Variants in QKI observed in about 807,000 individuals in gnomAD.
QKI encodes the protein QKI, KH domain containing RNA binding.
A neutral mutation model predicts 39.0 loss-of-function variants in QKI; 10 were observed. The ratio of observed to expected loss-of-function variants is 0.26; its 90% CI spans 0.16 to 0.43. The LOEUF (loss-of-function observed/expected upper bound fraction) is 0.43, where lower values mean the gene tolerates loss of function less well. Among genes scored for constraint, QKI ranks in the 20% least tolerant of loss-of-function variants. QKI has a pLI of 1.00. For missense variants in QKI, 218 were observed against 428.0 expected, an observed-to-expected ratio of 0.51 and a Z score of 4.33; for synonymous variants, 204 against 155.4, an observed-to-expected ratio of 1.31 and a Z score of -2.33.
intron 3 of QKI, among the ~76,000 whole-genome samples, chr6:163,491,098 T>C (rs1232781903): frequency 1.3e-5 from 2 of 152,142 alleles, no homozygotes; most frequent in Admixed American, 6.6e-5. Flanking sequence ...GATTGGTTTG[T>C]TTTTAAAGAG....
At chr6:163,424,322 C>T (rs1788240595) in intron 1 of QKI, among the ~76,000 whole-genome samples, 2 of 151,972 alleles carry the variant, frequency 1.3e-5, no homozygotes, top group African/African-American at 4.9e-5. Context: ...AGTTTTAACT[C>T]TGTATGTGTG....
chr6:163,563,798 T>C, intron 6 of QKI, 79 bp downstream of exon 6: 1 of 1,533,802 alleles, frequency 6.5e-7, no homozygotes, highest in South Asian at 1.3e-5. Flanking sequence ...AATGATTTTA[T>C]CAGTTTTAGA....
intron 3 of QKI, among the ~76,000 whole-genome samples, chr6:163,501,214 C>T (rs1392382838): frequency 6.6e-6 from 1 of 151,788 alleles, no homozygotes; most frequent in Non-Finnish European, 1.5e-5. Flanking sequence ...CCCCACCCAA[C>T]ACTGGCATGG....
chr6:163,559,865 G>A (rs1334402103), intron 4 of QKI, among the ~76,000 whole-genome samples: 1 of 152,154 alleles, frequency 6.6e-6, no homozygotes, highest in Admixed American at 6.5e-5. Context: ...ATGAATCAGA[G>A]AGGAACAAGA....
chr6:163,530,279 T>C (rs1273854373), intron 3 of QKI, among the ~76,000 whole-genome samples: 3 of 152,204 alleles, frequency 2.0e-5, no homozygotes, highest in Non-Finnish European at 4.4e-5. Context: ...CATATCATCA[T>C]CCCTCCTGTC....
At chr6:163,511,785 T>C (rs891626515) in intron 3 of QKI, among the ~76,000 whole-genome samples, 12 of 151,960 alleles carry the variant, frequency 7.9e-5, no homozygotes, top group Admixed American at 5.2e-4. Context: ...ATTGTGAATC[T>C]TATGTAAAGT....
At position 163,574,075 on chromosome 6, in the gene QKI, ATTC is replaced by A. The variant is rs1783845415; in HGVS notation, c.*3370_*3372del. ...GAACAAAGTAGCCTTTGTTTGAGGC[ATTC>A]TTCTCTTGCCACTTGCCTTTCAGCA... On this transcript the variant is annotated 3_prime_UTR_variant, in exon 8 of 8. Coordinates refer to ENST00000361752, the MANE Select transcript of QKI (RefSeq NM_006775.3). 6.6e-6 allele frequency: 1 copy of A among 152,148 alleles called. No individual in the cohort carries two copies. Among genetic ancestry groups the A allele is most frequent in the African/African-American group, 2.4e-5 (1 of 41,432 alleles). The allele number at this position is 152,148 out of a possible 1,614,324, so 9.4% of individuals were successfully genotyped here.
At chr6:163,561,874 A>T (rs952419818) in intron 4 of QKI, 108 bp from the exon 5 acceptor site, 2 of 733,098 alleles carry the variant, frequency 2.7e-6, no homozygotes, top group Admixed American at 6.1e-5. Context: ...TTATTAAAAC[A>T]GGTGACTGTA....
chr6:163,517,793 C>A (rs1033474292), intron 3 of QKI, among the ~76,000 whole-genome samples: 1 of 152,086 alleles, frequency 6.6e-6, no homozygotes, highest in African/African-American at 2.4e-5. Flanking sequence ...TAACTTTTTT[C>A]CCTAAATAGT....
At chr6:163,464,867 A>AT (rs1439896045) in intron 2 of QKI, among the ~76,000 whole-genome samples, 4 of 152,236 alleles carry the variant, frequency 2.6e-5, no homozygotes, top group Admixed American at 6.5e-5. Flanking sequence ...CCAAAGCCAG[A>AT]TAAGGACATT....
intron 1 of QKI, among the ~76,000 whole-genome samples, chr6:163,433,078 A>G (rs887562599): frequency 6.6e-6 from 1 of 152,214 alleles, no homozygotes; most frequent in African/African-American, 2.4e-5. Flanking sequence ...TTTATTTTAC[A>G]TGTTGGTAAA....
intron 4 of QKI, among the ~76,000 whole-genome samples, chr6:163,539,760 A>G (rs1019575361): frequency 1.3e-5 from 2 of 152,194 alleles, no homozygotes; most frequent in Admixed American, 6.6e-5. Context: ...TAAAATTTCT[A>G]AGTTGCCTTC....
intron 3 of QKI, among the ~76,000 whole-genome samples, chr6:163,517,390 A>T (rs1779897046): frequency 6.6e-6 from 1 of 152,122 alleles, no homozygotes; most frequent in Non-Finnish European, 1.5e-5. Context: ...TTCTCACAGC[A>T]GTATCTAGAG....
chr6:163,532,726 C>G (rs1780939093), intron 3 of QKI, among the ~76,000 whole-genome samples: 1 of 152,138 alleles, frequency 6.6e-6, no homozygotes, highest in South Asian at 2.1e-4. Flanking sequence ...TCCCTGGCCT[C>G]TGGAATTTTC....
At chr6:163,494,778 T>G (rs940149703) in intron 3 of QKI, among the ~76,000 whole-genome samples, 1 of 152,068 alleles carries the variant, frequency 6.6e-6, no homozygotes, top group African/African-American at 2.4e-5. Flanking sequence ...GATTTAGGAT[T>G]CCTAACAGCA....
chr6:163,465,929 G>T (rs1231023057), intron 2 of QKI, among the ~76,000 whole-genome samples: 3 of 151,934 alleles, frequency 2.0e-5, no homozygotes, highest in African/African-American at 7.3e-5. Flanking sequence ...TTTGAGACCA[G>T]CCTGGCCAAC....
chr6:163,527,010 A>G lies in QKI; in HGVS notation c.403-7972A>G, dbSNP rs577207916. On this transcript the variant is annotated intron_variant, in intron 3 of 7. Coordinates refer to ENST00000361752, the MANE Select transcript of QKI (RefSeq NM_006775.3). ...ACTTGGAAATTATTTGGCAAAAAACAATAAAAGTTATTTGAATTTAGGAAC... is the reference window on the plus strand; with the variant it reads ...ACTTGGAAATTATTTGGCAAAAAACGATAAAAGTTATTTGAATTTAGGAAC... Among the ~76,000 whole-genome samples the G allele has an allele frequency of 2.0e-5, 3 of 152,326 alleles. No individual in the cohort carries two copies. In the East Asian group the frequency reaches 5.8e-4, roughly 29 times the overall value.
In QKI at chr6:163,565,807, C is replaced by T. The variant is rs1003741713; in HGVS notation, c.935-914C>T. ...AACATGCATGCTATTTATGTCACATCTCACATTAAATTATTTTAAAATAAG... is the reference window on the plus strand; with the variant it reads ...AACATGCATGCTATTTATGTCACATTTCACATTAAATTATTTTAAAATAAG... On this transcript the variant is annotated intron_variant, in intron 6 of 7. Transcript: ENST00000361752. 1.9e-5 allele frequency: 26 copies of T among 1,362,216 alleles called. No homozygotes were observed. In the African/African-American group the frequency reaches 3.2e-4, roughly 17 times the overall value. The allele number at this position is 1,362,216 out of a possible 1,614,324, so 84.4% of individuals were successfully genotyped here.
intron 2 of QKI, among the ~76,000 whole-genome samples, chr6:163,474,828 G>C (rs1380992076): frequency 1.3e-5 from 2 of 150,022 alleles, no homozygotes; most frequent in African/African-American, 4.9e-5. Flanking sequence ...GTGAGGCTGA[G>C]GTGGGAGGAT....
Sources: allele counts gnomAD v4.1 joint callset (sites outside exome capture counted in the v4.1 genomes callset), GRCh38; gene constraint gnomAD v4.1.1; transcripts MANE v1.5; gene names NCBI Gene and HGNC (gene_info 2026-07-23, HGNC 2026-07-21).